The following ACP3 variants were observed in gnomAD, a reference collection of about 807,000 sequenced individuals.
The protein encoded by ACP3 is acid phosphatase 3, also known as prostatic acid phosphatase.
A neutral mutation model predicts 45.6 loss-of-function variants in ACP3; 38 were observed. That is an observed-to-expected ratio of 0.83 (90% confidence interval 0.64 to 1.09). The LOEUF is 1.09. Ranked by LOEUF, ACP3 falls within the 50% of genes least tolerant of loss-of-function variation. The pLI is 0.00. For missense variants in ACP3, 466 were observed against 463.2 expected (o/e 1.01, Z -0.05); for synonymous variants, 162 against 164.7 (o/e 0.98, Z 0.13).
rs537593864 is a variant in ACP3, at chr3:132,367,854, T to G, written c.*32T>G. ...AGCTGGATAAGCCAGGCCAACCTCC[T>G]GTGACACAGCATCTCTCAGTGGTGC... On this transcript the variant is annotated 3_prime_UTR_variant, in exon 11 of 11. Transcript: ENST00000351273. The G allele has an allele frequency of 1.5e-5, 22 of 1,457,318 alleles. No homozygotes were observed. In the African/African-American group the frequency reaches 2.2e-4, roughly 15 times the overall value. The allele number at this position is 1,457,318 out of a possible 1,614,324, so 90.3% of individuals were successfully genotyped here.
At chr3:132,367,952 G>A (rs966562670) in exon 11 of ACP3, 103 of 732,358 alleles carry the variant, frequency 1.4e-4, no homozygotes, top group Non-Finnish European at 2.2e-4. Context: ...TCTGCCCAGA[G>A]CAGGGTCTGA....
chr3:132,354,211 AG>A, intron 9 of ACP3, among the ~76,000 whole-genome samples: 1 of 152,306 alleles, frequency 6.6e-6, no homozygotes, highest in Admixed American at 6.5e-5. Context: ...GATCAGCTTC[AG>A]GAGCAGGCAC....
intron 5 of ACP3, among the ~76,000 whole-genome samples, 192 bp downstream of exon 5, chr3:132,337,746 G>C (rs1176867983): frequency 6.6e-6 from 1 of 152,202 alleles, no homozygotes; most frequent in Non-Finnish European, 1.5e-5. Context: ...TCCCCATACA[G>C]GGGTCACAAG....
chr3:132,348,009 T>A (rs1937635831), intron 7 of ACP3, among the ~76,000 whole-genome samples: 1 of 152,130 alleles, frequency 6.6e-6, no homozygotes, highest in Non-Finnish European at 1.5e-5. Context: ...GTTTTGTAAA[T>A]AAAGTTTTAT....
At chr3:132,334,156 C>T (rs1465477165) in intron 4 of ACP3, among the ~76,000 whole-genome samples, 4 of 152,096 alleles carry the variant, frequency 2.6e-5, no homozygotes, top group Non-Finnish European at 5.9e-5. Flanking sequence ...AGCTATTTAA[C>T]AATTAATCCT....
chr3:132,354,317 C>T (rs999490725), intron 9 of ACP3, among the ~76,000 whole-genome samples: 4 of 152,154 alleles, frequency 2.6e-5, no homozygotes, highest in African/African-American at 7.2e-5. Context: ...AGCTTGCTTT[C>T]TCAGTGCACA....
chr3:132,324,555 G>A (rs377473159), intron 1 of ACP3, among the ~76,000 whole-genome samples: 1 of 152,140 alleles, frequency 6.6e-6, no homozygotes, highest in Admixed American at 6.5e-5. Context: ...GTCCTCAGAC[G>A]GGGATGTAAT....
At chr3:132,350,371 C>G (rs1053400640) in intron 8 of ACP3, among the ~76,000 whole-genome samples, 2 of 152,142 alleles carry the variant, frequency 1.3e-5, no homozygotes, top group African/African-American at 4.8e-5. Context: ...GTGCTCCTCA[C>G]TAGTGTGTAG....
rs1937563534 is a variant in ACP3 at position 132,342,534 on chromosome 3, T to C, written c.556-18T>C. 2 of 1,567,904 alleles carry C rather than the reference T, an allele frequency of 1.3e-6. No homozygotes were observed. The highest frequency in any genetic ancestry group is 1.7e-6 in the Non-Finnish European group (2 of 1,149,048). ...AGAAACCTGTGTAGGAATTTTTCTT[T>C]CTCTGTTTGTGTTTCAGGATTTTAT... On this transcript the variant is annotated intron_variant, in intron 5 of 9. Transcript: ENST00000336375.
chr3:132,367,166 T>G (rs1321598905), intron 10 of ACP3, among the ~76,000 whole-genome samples: 1 of 152,244 alleles, frequency 6.6e-6, no homozygotes, highest in Non-Finnish European at 1.5e-5. Context: ...CTGCTTTTAC[T>G]GGTCAGCTAT....
intron 9 of ACP3, among the ~76,000 whole-genome samples, chr3:132,355,486 C>CTTATTTTATTTTATTTTATCTTATT (rs1937861489): frequency 7.3e-5 from 11 of 150,378 alleles, no homozygotes; most frequent in African/African-American, 1.5e-4. Flanking sequence ...TTTATTTTAT[C>CTTATTTTATTTTATTTTATCTTATT]TTATTTTATT....
exon 11 of ACP3, chr3:132,367,870 T>G: frequency 7.5e-6 from 10 of 1,336,012 alleles, no homozygotes; most frequent in Non-Finnish European, 1.1e-5. Context: ...ACAGCATCTC[T>G]CAGTGGTGCC....
At position 132,331,680 on chromosome 3, in the gene ACP3, T is replaced by C. The variant is rs1373031602; in HGVS notation, c.250T>C (p.Tyr84His). ...GMEQHYELGE[Y>H]IRKRYRKFLN... is the part of the protein sequence containing the mutation. ...GGAGCAGCATTATGAACTTGGAGAG[T>C]ATATAAGAAAGAGATATAGAAAATT... is the stretch of plus-strand genomic sequence containing the variant. The change falls in exon 3 of 10, where the codon TAT (tyrosine) becomes CAT (histidine). Residue 84 changes from tyrosine to histidine, a missense_variant. Physicochemically the swap from Tyr to His is moderately conservative, Grantham distance 83. Coordinates refer to ENST00000336375, the MANE Select transcript of ACP3 (RefSeq NM_001099.5). The C allele has an allele frequency of 2.5e-6, 4 of 1,606,668 alleles. No homozygotes were observed. The highest frequency in any genetic ancestry group is 2.3e-5 in the South Asian group (2 of 88,244).
intron 6 of ACP3, 54 bp downstream of exon 6, chr3:132,342,698 C>T: frequency 1.8e-6 from 2 of 1,112,126 alleles, no homozygotes; most frequent in Non-Finnish European, 2.6e-6. Flanking sequence ...ATGATTTATG[C>T]TTATTTTGAA....
chr3:132,356,709 A>G lies in ACP3; in HGVS notation c.992A>G (p.Tyr331Cys). 1.2e-6 allele frequency: 2 copies of G among 1,614,014 alleles called. No individual in the cohort carries two copies. The highest frequency in any genetic ancestry group is 2.2e-5 in the South Asian group (2 of 91,076). ...EKGEYFVEMY[Y>C]RNETQHEPYP... ...AGGGAGTACTTTGTGGAGATGTACT[A>G]TCGGAATGAGACGCAGCACGAGCCG... Residue 331 changes from tyrosine to cysteine, a missense_variant, in exon 10 of 10, where the codon TAT (tyrosine) becomes TGT (cysteine). Transcript: ENST00000336375.
intron 8 of ACP3, among the ~76,000 whole-genome samples, chr3:132,350,961 A>C (rs147886432): frequency 1.3e-5 from 2 of 152,354 alleles, no homozygotes; most frequent in African/African-American, 4.8e-5. Context: ...GGAGAGGAAA[A>C]GAAGTGAGCC....
At chr3:132,324,510 T>G (rs1378825167) in intron 1 of ACP3, among the ~76,000 whole-genome samples, 4 of 152,216 alleles carry the variant, frequency 2.6e-5, no homozygotes, top group African/African-American at 4.8e-5. Context: ...TCATATAGTT[T>G]TCTTACTTGC....
rs372766166 is a variant in ACP3 at position 132,352,837 on chromosome 3, T to A, written c.968+14T>A. On this transcript the variant is annotated intron_variant, in intron 9 of 9. Transcript: ENST00000336375. The stretch of plus-strand genomic sequence containing the variant: ...CTTTGAGAAGGGGTAAGTGACTAAG[T>A]GCTTTTCAAAATCAGTATCACTGGA... The A allele has an allele frequency of 3.9e-5, 61 of 1,560,170 alleles. No individual in the cohort carries two copies. Among genetic ancestry groups the A allele is most frequent in the Non-Finnish European group, 5.4e-5 (61 of 1,131,122 alleles).
In ACP3 at chr3:132,356,911, G is replaced by T. The variant is rs1559843906; in HGVS notation, c.*33G>T. On this transcript the variant is annotated 3_prime_UTR_variant, in exon 10 of 10. Coordinates refer to ENST00000336375, the MANE Select transcript of ACP3 (RefSeq NM_001099.5). ...AGAGATCTCTGTAGAAGGAGTAGCT[G>T]CCCTTTCTCAGGGCAGATGATGCTT... 1 of 1,581,360 alleles carries T rather than the reference G, an allele frequency of 6.3e-7. No individual in the cohort carries two copies. Among genetic ancestry groups the T allele is most frequent in the Non-Finnish European group, 8.6e-7 (1 of 1,160,008 alleles).
Sources: gnomAD v4.1 joint callset for allele counts (sites outside exome capture counted in the v4.1 genomes callset) on GRCh38, gnomAD v4.1.1 for gene constraint, MANE v1.5 for transcripts, NCBI Gene and HGNC (gene_info 2026-07-23, HGNC 2026-07-21) for gene names.